The following MAPKAPK3 variants were observed in gnomAD, a reference collection of about 807,000 sequenced individuals.
The protein encoded by MAPKAPK3 is MAP kinase-activated protein kinase 3.
Under a neutral mutation model 49.2 loss-of-function variants are expected in MAPKAPK3, and 35 were observed. The ratio of observed to expected loss-of-function variants is 0.71; its 90% confidence interval spans 0.54 to 0.94. The LOEUF (loss-of-function observed/expected upper bound fraction) is 0.94, where lower values mean the gene tolerates loss of function less well. Among genes scored for constraint, MAPKAPK3 ranks in the 40% least tolerant of loss-of-function variants. MAPKAPK3 has a pLI of 0.00. For missense variants in MAPKAPK3, 398 were observed against 493.1 expected, an observed-to-expected ratio of 0.81 and a Z score of 1.83; for synonymous variants, 178 against 188.7, an observed-to-expected ratio of 0.94 and a Z score of 0.46.
intron 2 of MAPKAPK3, among the ~76,000 whole-genome samples, chr3:50,626,999 C>T (rs1162019039): frequency 6.6e-6 from 1 of 151,998 alleles, no homozygotes; most frequent in African/African-American, 2.4e-5. Flanking sequence ...TCGAGATCAG[C>T]GTGGTGAAAC....
intron 2 of MAPKAPK3, among the ~76,000 whole-genome samples, chr3:50,633,173 A>G (rs982152084): frequency 3.9e-5 from 6 of 152,082 alleles, no homozygotes; most frequent in Non-Finnish European, 5.9e-5. Flanking sequence ...AGTTGTAGCA[A>G]TAAGACCCCC....
At chr3:50,642,142 A>G in intron 4 of MAPKAPK3, 111 bp from the exon 5 acceptor site, 1 of 748,042 alleles carries the variant, frequency 1.3e-6, no homozygotes, top group East Asian at 2.5e-5. Context: ...GAGTGCTGTC[A>G]CTGTCTTCTT....
At chr3:50,621,726 T>C (rs1332034696) in intron 2 of MAPKAPK3, among the ~76,000 whole-genome samples, 1 of 151,842 alleles carries the variant, frequency 6.6e-6, no homozygotes, top group Non-Finnish European at 1.5e-5. Flanking sequence ...TGAGCTGTGG[T>C]CATGCCACTG....
intron 2 of MAPKAPK3, among the ~76,000 whole-genome samples, chr3:50,632,918 G>T (rs1028007506): frequency 2.0e-5 from 3 of 152,366 alleles, no homozygotes; most frequent in Admixed American, 6.5e-5. Context: ...ATGTGTGGGT[G>T]GGTGGACCTG....
chr3:50,618,103 G>A (rs560854978), intron 2 of MAPKAPK3, among the ~76,000 whole-genome samples: 1 of 152,318 alleles, frequency 6.6e-6, no homozygotes, highest in Admixed American at 6.5e-5. Flanking sequence ...AGGCCCAAAG[G>A]GGATCTCTTG....
In MAPKAPK3 at chr3:50,641,712, A is replaced by C. The variant is rs1258094000; in HGVS notation, c.365A>C (p.Glu122Ala). ...RCLLIIMECM[E>A]GGELFSRIQE... is the part of the protein sequence containing the mutation. ...TATAGTCACCTCTTTTACAGCATGG[A>C]AGGTGGTGAGTTGTTCAGCAGGATT... Residue 122 changes from glutamate (E) to alanine (A), a missense_variant, in exon 4 of 11, where the codon GAA becomes GCA. Physicochemically the swap from Glu to Ala is moderately radical, Grantham distance 107. Coordinates refer to ENST00000621469, the MANE Select transcript of MAPKAPK3 (RefSeq NM_001243925.2). The C allele has an allele frequency of 6.2e-7, 1 of 1,613,922 alleles. No homozygotes were observed. Among genetic ancestry groups the C allele is most frequent in the Admixed American group, 1.7e-5 (1 of 60,016 alleles).
chr3:50,629,936 G>A (rs1440976703), intron 2 of MAPKAPK3, among the ~76,000 whole-genome samples: 1 of 152,194 alleles, frequency 6.6e-6, no homozygotes, highest in Non-Finnish European at 1.5e-5. Flanking sequence ...AGCTTCCTGG[G>A]AAGACACTAG....
intron 2 of MAPKAPK3, among the ~76,000 whole-genome samples, chr3:50,640,010 C>A (rs1341208904): frequency 6.6e-6 from 1 of 152,184 alleles, no homozygotes; most frequent in Non-Finnish European, 1.5e-5. Context: ...TGTGTGGCCC[C>A]TGGCTTGGGG....
intron 2 of MAPKAPK3, among the ~76,000 whole-genome samples, chr3:50,631,565 T>C (rs190738875): frequency 2.8e-4 from 43 of 152,346 alleles, no homozygotes; most frequent in Admixed American, 5.2e-4. Flanking sequence ...CCAGCAGCAC[T>C]GGCAGGGGTT....
upstream of MAPKAPK3, chr3:50,617,113 GGGGA>G (rs1477621065): frequency 1.7e-4 from 16 of 92,804 alleles, 1 homozygote; most frequent in African/African-American, 3.7e-4. Context: ...AGGGGGGGGT[GGGGA>G]GGGGGGGGAG....
At chr3:50,633,706 G>A (rs1342514802) in intron 2 of MAPKAPK3, among the ~76,000 whole-genome samples, 3 of 152,186 alleles carry the variant, frequency 2.0e-5, no homozygotes, top group African/African-American at 4.8e-5. Context: ...TCCCAAGCCC[G>A]TGTTTCCTCA....
chr3:50,612,612 G>A (rs1415359373), upstream of MAPKAPK3: 1 of 152,032 alleles, frequency 6.6e-6, no homozygotes, highest in Non-Finnish European at 1.5e-5. Flanking sequence ...GCTGGCACTG[G>A]TTTCTGGCCG....
intron 2 of MAPKAPK3, among the ~76,000 whole-genome samples, chr3:50,622,333 C>A (rs553132045): frequency 4.6e-5 from 7 of 152,288 alleles, no homozygotes; most frequent in African/African-American, 1.7e-4. Flanking sequence ...GCCCACCTCC[C>A]TTTTCTACTT....
intron 2 of MAPKAPK3, among the ~76,000 whole-genome samples, chr3:50,626,843 C>T (rs1323891904): frequency 6.6e-6 from 1 of 152,186 alleles, no homozygotes; most frequent in African/African-American, 2.4e-5. Flanking sequence ...CTCAGCCATT[C>T]CTCTCTGCGT....
chr3:50,620,577 C>G (rs543279851), intron 2 of MAPKAPK3, among the ~76,000 whole-genome samples: 1 of 152,326 alleles, frequency 6.6e-6, no homozygotes, highest in East Asian at 1.9e-4. Flanking sequence ...TGGCCACTGT[C>G]CTTGTAACTG....
At chr3:50,645,623 G>A in intron 6 of MAPKAPK3, 87 bp from the exon 7 acceptor site, 1 of 1,036,076 alleles carries the variant, frequency 9.7e-7, no homozygotes, top group Non-Finnish European at 1.5e-6. Context: ...CCAGGTACCT[G>A]CTCCCCACCT....
chr3:50,611,902 A>G (rs1394070364), upstream of MAPKAPK3: 1 of 492,354 alleles, frequency 2.0e-6, no homozygotes, highest in African/African-American at 2.0e-5. Context: ...GTCTTCCTAG[A>G]ACCGCGGGCT....
In MAPKAPK3 at chr3:50,649,210, G is replaced by T. The variant is rs1166807397; in HGVS notation, c.*1164G>T. On this transcript the variant is annotated 3_prime_UTR_variant, in exon 11 of 11. Transcript: ENST00000621469. ...CTTCCTGGCCCCTCTCTCACTGGCT[G>T]GGAAACCCTAGACCATGTCAGATAG... The T allele has an allele frequency of 6.6e-6, 1 of 152,272 alleles. No individual in the cohort carries two copies. Among genetic ancestry groups the T allele is most frequent in the Non-Finnish European group, 1.5e-5 (1 of 68,092 alleles). 9.4% of individuals were successfully genotyped at this position (152,272 alleles called of 1,614,324 possible). A position where few individuals can be genotyped will look rare whatever the true frequency, so the allele number is the denominator to read the frequency against.
At chr3:50,629,921 C>G (rs1053274547) in intron 2 of MAPKAPK3, among the ~76,000 whole-genome samples, 1 of 152,208 alleles carries the variant, frequency 6.6e-6, no homozygotes, top group African/African-American at 2.4e-5. Context: ...GCTATCCTGT[C>G]CCAGAGCTTC....
Sources: allele counts gnomAD v4.1 joint callset (sites outside exome capture counted in the v4.1 genomes callset), GRCh38; gene constraint gnomAD v4.1.1; transcripts MANE v1.5; gene names NCBI Gene and HGNC (gene_info 2026-07-23, HGNC 2026-07-21).